LRRC4C: variants seen among roughly 807,000 people sequenced by gnomAD.
The protein encoded by LRRC4C is leucine rich repeat containing 4C, also known as leucine-rich repeat-containing protein 4C.
Under a neutral mutation model 33.6 loss-of-function variants are expected in LRRC4C, and 5 were observed. That is an observed-to-expected ratio of 0.15 (90% confidence interval 0.08 to 0.31). The LOEUF is 0.31. LRRC4C is among the 10% of genes least tolerant of loss of function. The probability of loss-of-function intolerance (pLI) is 1.00; values close to 1 mark genes in which losing one functional copy is unlikely to be tolerated. For missense variants in LRRC4C, 560 were observed against 796.7 expected (o/e 0.70, Z 3.58); for synonymous variants, 329 against 302.0 (o/e 1.09, Z -0.93).
chr11:40,620,426 G>A (rs189935977), intron 3 of LRRC4C, among the ~76,000 whole-genome samples: 7 of 151,628 alleles, frequency 4.6e-5, no homozygotes, highest in South Asian at 2.1e-4. Context: ...TCTCTTCCAC[G>A]GCTGGAAGGA....
At position 40,120,744 on chromosome 11, in the gene LRRC4C, G is replaced by T. The variant is rs546541805; in HGVS notation, c.-42-4410C>A. Among the ~76,000 whole-genome samples, 361 of 152,234 alleles carry T rather than the reference G, an allele frequency of 2.4e-3. 4 individuals carry two copies. The highest frequency in any genetic ancestry group is 8.4e-3 in the African/African-American group (349 of 41,556). ...AATAGCACAAGAGTAAAGAAGATAA[G>T]TTCTTACTCTGCCGTTTGCTACCTT... On this transcript the variant is annotated intron_variant, in intron 6 of 6. Transcript: ENST00000528697.
chr11:40,604,323 A>G (rs1312460210), intron 3 of LRRC4C, among the ~76,000 whole-genome samples: 1 of 152,052 alleles, frequency 6.6e-6, no homozygotes, highest in South Asian at 2.1e-4. Flanking sequence ...CTCCTTCTGT[A>G]TTACTTTAAA....
intron 3 of LRRC4C, among the ~76,000 whole-genome samples, chr11:40,401,892 C>G (rs1359263005): frequency 6.6e-6 from 1 of 151,922 alleles, no homozygotes; most frequent in Non-Finnish European, 1.5e-5. Flanking sequence ...TGTTTAGTAT[C>G]TGCAGTAGTT....
At chr11:40,898,935 T>A (rs1408985265) in intron 2 of LRRC4C, among the ~76,000 whole-genome samples, 1 of 152,174 alleles carries the variant, frequency 6.6e-6, no homozygotes, top group African/African-American at 2.4e-5. Flanking sequence ...TAGCTCATCC[T>A]ATTTCCTTAG....
At chr11:40,248,671 G>T (rs887396316) in intron 4 of LRRC4C, among the ~76,000 whole-genome samples, 31 of 152,118 alleles carry the variant, frequency 2.0e-4, no homozygotes, top group Middle Eastern at 3.4e-3. Flanking sequence ...CACTTACACT[G>T]GTCTGGGTGA....
intron 3 of LRRC4C, among the ~76,000 whole-genome samples, chr11:40,568,508 C>A (rs12282658): frequency 0.024 from 3,606 of 152,282 alleles, 62 homozygotes; most frequent in South Asian, 0.034. Context: ...TTTTGGGGTA[C>A]ATTTTCAAAT....
At chr11:40,831,430 C>T (rs1030901134) in intron 2 of LRRC4C, among the ~76,000 whole-genome samples, 2 of 151,912 alleles carry the variant, frequency 1.3e-5, no homozygotes, top group African/African-American at 4.8e-5. Flanking sequence ...CCATTCCCCT[C>T]CTCAGAAGGT....
At chr11:41,284,172 A>G (rs1199050688) in intron 1 of LRRC4C, among the ~76,000 whole-genome samples, 1 of 152,218 alleles carries the variant, frequency 6.6e-6, no homozygotes, top group African/African-American at 2.4e-5. Context: ...AGAAATTTTA[A>G]TTTTCTTTTC....
chr11:40,417,486 C>A (rs1288220695), intron 3 of LRRC4C, among the ~76,000 whole-genome samples: 1 of 151,972 alleles, frequency 6.6e-6, no homozygotes, highest in African/African-American at 2.4e-5. Flanking sequence ...TGTCTGCCAC[C>A]TTGCCCAGCT....
At chr11:41,424,691 T>C (rs1193858917) in intron 1 of LRRC4C, among the ~76,000 whole-genome samples, 1 of 152,050 alleles carries the variant, frequency 6.6e-6, no homozygotes, top group Non-Finnish European at 1.5e-5. Context: ...GTGTATAATT[T>C]ATGTGCTTAG....
chr11:40,726,753 C>T lies in LRRC4C; in HGVS notation c.-406-78475G>A, dbSNP rs548895869. Among the ~76,000 whole-genome samples, 13 of 151,692 alleles carry T rather than the reference C, an allele frequency of 8.6e-5. 1 individual carries two copies. In the East Asian group the frequency reaches 1.9e-3, roughly 23 times the overall value. ...GTCAACATAGTATTGGAAATCCAAG[C>T]GAGAGTAATCAAACAAGAGAAAGAA... On this transcript the variant is annotated intron_variant, in intron 2 of 6. Transcript: ENST00000528697.
intron 4 of LRRC4C, among the ~76,000 whole-genome samples, chr11:40,307,616 A>G (rs1266062924): frequency 1.3e-5 from 2 of 152,168 alleles, no homozygotes; most frequent in Admixed American, 6.5e-5. Flanking sequence ...TAATTGTATC[A>G]TCTCTCCTGT....
At chr11:40,848,724 G>C (rs1187771691) in intron 2 of LRRC4C, among the ~76,000 whole-genome samples, 1 of 152,094 alleles carries the variant, frequency 6.6e-6, no homozygotes, top group Non-Finnish European at 1.5e-5. Context: ...TCATTGATTT[G>C]TCTAATATTG....
chr11:41,156,309 T>C (rs1323351225), intron 1 of LRRC4C, among the ~76,000 whole-genome samples: 1 of 152,130 alleles, frequency 6.6e-6, no homozygotes, highest in African/African-American at 2.4e-5. Flanking sequence ...TGTAATCTAT[T>C]ACTATTTTCT....
chr11:40,408,234 G>A (rs1408796196), intron 3 of LRRC4C, among the ~76,000 whole-genome samples: 1 of 151,844 alleles, frequency 6.6e-6, no homozygotes, highest in Non-Finnish European at 1.5e-5. Context: ...CCCTCACAAT[G>A]TTTCAAATAT....
chr11:40,862,228 T>A (rs1331981628), intron 2 of LRRC4C, among the ~76,000 whole-genome samples: 1 of 152,224 alleles, frequency 6.6e-6, no homozygotes, highest in Non-Finnish European at 1.5e-5. Context: ...TTAGCCTTAG[T>A]ATAAGAAAAA....
At position 40,621,656 on chromosome 11, in the gene LRRC4C, G is replaced by A. The variant is rs541949524; in HGVS notation, c.-270+26486C>T. Among the ~76,000 whole-genome samples, 76 of 151,862 alleles carry A rather than the reference G, an allele frequency of 5.0e-4. 1 individual carries two copies. The South Asian group carries it at 0.016, about 31-fold the overall frequency. On this transcript the variant is annotated intron_variant, in intron 3 of 6. Coordinates refer to ENST00000528697, the MANE Select transcript of LRRC4C (RefSeq NM_001258419.2). ...TTATATACTGAATTTCAAGATGCAG[G>A]AGGGATGGAACCTTGTCTAACTCTT...
At chr11:41,013,065 A>G (rs1855325943) in intron 1 of LRRC4C, among the ~76,000 whole-genome samples, 1 of 152,216 alleles carries the variant, frequency 6.6e-6, no homozygotes, top group Admixed American at 6.5e-5. Flanking sequence ...CATAATTCAC[A>G]GGATTGTTTT....
Position 40,114,844 on chromosome 11 carries a change from G to A in LRRC4C, c.1449C>T (p.Asp483=), listed in dbSNP as rs1447830102. 6.2e-7 allele frequency: 1 copy of A among 1,614,096 alleles called. No homozygotes were observed. The highest frequency in any genetic ancestry group is 8.5e-7 in the Non-Finnish European group (1 of 1,180,008). Residue 483 remains aspartate, a synonymous_variant, in exon 7 of 7, where the codon GAC becomes GAT. Transcript: ENST00000528697. ...AGGTGGTCACATTGGTGGTCTCCCA[G>A]TCGACCACTGGAGTGGGACCCACAT... The part of the protein sequence containing the change: ...DNNVGPTPVV[D]WETTNVTTSL...
Sources: gnomAD v4.1 joint callset for allele counts (sites outside exome capture counted in the v4.1 genomes callset) on GRCh38, gnomAD v4.1.1 for gene constraint, MANE v1.5 for transcripts, NCBI Gene and HGNC (gene_info 2026-07-23, HGNC 2026-07-21) for gene names.